Variants in SLIT3 observed in about 807,000 individuals in gnomAD.
SLIT3 encodes slit guidance ligand 3.
SLIT3 carries 68 observed loss-of-function variants against 184.0 expected under a neutral mutation model. That is an observed-to-expected ratio of 0.37 (90% CI 0.30 to 0.45). The LOEUF is 0.45. Ranked by LOEUF, SLIT3 falls within the 20% of genes least tolerant of loss-of-function variation. SLIT3 has a pLI of 1.00. For missense variants in SLIT3, 1,707 were observed against 2,026.0 expected (o/e 0.84, Z 3.02); for synonymous variants, 831 against 828.6 (o/e 1.00, Z -0.05).
chr5:168,923,605 C>A (rs2113133665), intron 4 of SLIT3, among the ~76,000 whole-genome samples: 1 of 151,934 alleles, frequency 6.6e-6, no homozygotes, highest in East Asian at 1.9e-4. Flanking sequence ...CAACCTCCGC[C>A]TCCTGGGTTC....
chr5:168,988,574 T>C lies in SLIT3; in HGVS notation c.414-105238A>G, dbSNP rs142194433. Among the ~76,000 whole-genome samples the C allele has an allele frequency of 1.2e-3, 178 of 152,252 alleles. 3 individuals are homozygous for C. The East Asian group carries it at 0.029, about 25-fold the overall frequency. ...TCCTGGACGTTCCCTCAAAAGAGCT[T>C]CTGGGAAATAGCAAAACAGGGCAGA... is the stretch of plus-strand genomic sequence containing the variant. On this transcript the variant is annotated intron_variant, in intron 4 of 35. Coordinates refer to ENST00000519560, the MANE Select transcript of SLIT3 (RefSeq NM_003062.4).
chr5:168,864,842 T>C (rs1357344261), intron 5 of SLIT3, among the ~76,000 whole-genome samples: 2 of 152,228 alleles, frequency 1.3e-5, no homozygotes, highest in East Asian at 1.9e-4. Context: ...TTTGCCATCA[T>C]TGTTGTTAAG....
At chr5:168,753,726 ACT>A (rs1379098304) in intron 17 of SLIT3, 136 bp downstream of exon 17, 2 of 1,000,072 alleles carry the variant, frequency 2.0e-6, no homozygotes, top group Non-Finnish European at 2.9e-6. Flanking sequence ...ATGTCTGATG[ACT>A]CTGACTCCAG....
At chr5:168,846,625 C>T (rs1033522632) in intron 5 of SLIT3, among the ~76,000 whole-genome samples, 30 of 152,118 alleles carry the variant, frequency 2.0e-4, no homozygotes, top group African/African-American at 3.6e-4. Flanking sequence ...ATGCTGAATT[C>T]GGCAAAAATG....
intron 3 of SLIT3, among the ~76,000 whole-genome samples, chr5:169,222,173 G>T (rs1764637715): frequency 6.6e-6 from 1 of 152,032 alleles, no homozygotes; most frequent in Non-Finnish European, 1.5e-5. Context: ...TTCTTTCTAT[G>T]TATTATCTGT....
Position 169,295,371 on chromosome 5 carries a change from T to C in SLIT3, c.197+5142A>G, listed in dbSNP as rs1767469867. ...TAAGAAATCATAGAGGGATAAACAA[T>C]CACAGCAATGAGTGAACAACATGGT... On this transcript the variant is annotated intron_variant, in intron 1 of 35. Transcript: ENST00000519560. Among the ~76,000 whole-genome samples the C allele has an allele frequency of 4.6e-5, 7 of 152,358 alleles. No individual in the cohort carries two copies. In the South Asian group the frequency reaches 1.4e-3, roughly 32 times the overall value.
chr5:169,054,606 C>T (rs1298270521), intron 4 of SLIT3, among the ~76,000 whole-genome samples: 1 of 152,076 alleles, frequency 6.6e-6, no homozygotes, highest in Non-Finnish European at 1.5e-5. Flanking sequence ...CCCCTTCTTA[C>T]GAGTTTATAA....
intron 4 of SLIT3, among the ~76,000 whole-genome samples, chr5:169,184,125 T>A (rs937826692): frequency 6.6e-6 from 1 of 152,234 alleles, no homozygotes; most frequent in African/African-American, 2.4e-5. Context: ...ATAAATCTTT[T>A]TCTTTCAATG....
intron 8 of SLIT3, among the ~76,000 whole-genome samples, chr5:168,809,593 TC>T (rs983700723): frequency 6.6e-6 from 1 of 152,140 alleles, no homozygotes; most frequent in African/African-American, 2.4e-5. Flanking sequence ...ATGGCAGAAG[TC>T]CCTCCACTTT....
intron 35 of SLIT3, chr5:168,666,890 G>A: frequency 1.3e-6 from 1 of 798,060 alleles, no homozygotes; most frequent in Non-Finnish European, 2.1e-6. Flanking sequence ...TCTCTGACAG[G>A]CTTACACCTA....
At chr5:169,284,918 T>C (rs1269774944) in intron 1 of SLIT3, among the ~76,000 whole-genome samples, 1 of 152,174 alleles carries the variant, frequency 6.6e-6, no homozygotes. Context: ...ACACAGATTT[T>C]TTTTTTCTTG....
intron 8 of SLIT3, among the ~76,000 whole-genome samples, chr5:168,813,293 T>C (rs1005470321): frequency 7.8e-6 from 1 of 128,366 alleles, no homozygotes; most frequent in Non-Finnish European, 1.7e-5. Flanking sequence ...AACCCCCAAA[T>C]AAACCCTTTA....
chr5:168,690,634 G>T (rs900942770), intron 29 of SLIT3, among the ~76,000 whole-genome samples: 1 of 152,190 alleles, frequency 6.6e-6, no homozygotes, highest in Non-Finnish European at 1.5e-5. Flanking sequence ...AATCAGGGGG[G>T]TGGAAGTAGG....
chr5:169,017,588 C>T (rs1284582659), intron 4 of SLIT3, among the ~76,000 whole-genome samples: 1 of 152,188 alleles, frequency 6.6e-6, no homozygotes, highest in Non-Finnish European at 1.5e-5. Context: ...CAAATTGCAG[C>T]CAGCTCCTTT....
At chr5:169,109,612 A>C (rs746996366) in intron 4 of SLIT3, among the ~76,000 whole-genome samples, 1 of 152,194 alleles carries the variant, frequency 6.6e-6, no homozygotes, top group African/African-American at 2.4e-5. Flanking sequence ...CTAGGCTTTT[A>C]ATCACACTTT....
Position 168,940,047 on chromosome 5 carries a change from A to G in SLIT3, c.414-56711T>C, listed in dbSNP as rs537657407. ...GGGCCCAGGCTTTCAGCAGATGGTA[A>G]TACAGTCGGGGAGGATAAAAGAAAA... On this transcript the variant is annotated intron_variant, in intron 4 of 35. Coordinates refer to ENST00000519560, the MANE Select transcript of SLIT3 (RefSeq NM_003062.4). 1.1e-4 allele frequency among the ~76,000 whole-genome samples: 17 copies of G among 152,366 alleles called. No homozygotes were observed. The South Asian group carries it at 2.7e-3, about 24-fold the overall frequency.
intron 12 of SLIT3, 32 bp from the exon 13 acceptor site, chr5:168,774,410 T>C (rs1221049535): frequency 1.3e-6 from 2 of 1,582,930 alleles, no homozygotes; most frequent in South Asian, 1.2e-5. Context: ...GTTGATTCAC[T>C]AATCCTGGTA....
chr5:169,198,304 AG>A (rs1279741822), intron 3 of SLIT3, among the ~76,000 whole-genome samples: 3 of 152,218 alleles, frequency 2.0e-5, no homozygotes, highest in Admixed American at 1.3e-4. Flanking sequence ...TGTTAAAAGA[AG>A]GCTTCCCAAG....
chr5:168,908,862 T>C (rs1761165341), intron 4 of SLIT3, among the ~76,000 whole-genome samples: 1 of 152,180 alleles, frequency 6.6e-6, no homozygotes, highest in Non-Finnish European at 1.5e-5. Flanking sequence ...TGGTAAGACC[T>C]GAGGAGGAAT....
Sources: allele counts gnomAD v4.1 joint callset (sites outside exome capture counted in the v4.1 genomes callset), GRCh38; gene constraint gnomAD v4.1.1; transcripts MANE v1.5; gene names NCBI Gene and HGNC (gene_info 2026-07-23, HGNC 2026-07-21).